AHCTF1: variants seen among roughly 807,000 people sequenced by gnomAD.
AHCTF1 encodes the protein AT-hook containing transcription factor 1, also known as protein ELYS.
AHCTF1 carries 24 observed loss-of-function variants against 248.4 expected under a neutral mutation model. The observed-to-expected ratio is 0.10, with a 90% confidence interval of 0.07 to 0.14. AHCTF1 has a LOEUF of 0.14. Among genes scored for constraint, AHCTF1 ranks in the 10% least tolerant of loss-of-function variants. AHCTF1 has a pLI of 1.00. For synonymous variants in AHCTF1, 786 were observed against 929.8 expected, an observed-to-expected ratio of 0.85 and a Z score of 2.81; for missense variants, 2,206 against 2,636.2, an observed-to-expected ratio of 0.84 and a Z score of 3.57.
chr1:246,920,315 T>G (rs1666448874), intron 1 of AHCTF1, among the ~76,000 whole-genome samples: 1 of 152,034 alleles, frequency 6.6e-6, no homozygotes, highest in Non-Finnish European at 1.5e-5. Flanking sequence ...CGATTTAGCT[T>G]GATAAGAAAC....
chr1:246,923,197 C>G (rs1013687739), intron 1 of AHCTF1, among the ~76,000 whole-genome samples: 3 of 150,814 alleles, frequency 2.0e-5, no homozygotes, highest in African/African-American at 7.3e-5. Context: ...GGCAGATCAC[C>G]TGAGGTCAGG....
intron 4 of AHCTF1, among the ~76,000 whole-genome samples, chr1:246,910,311 C>G (rs1454025548): frequency 1.3e-5 from 2 of 152,198 alleles, no homozygotes; most frequent in East Asian, 3.8e-4. Context: ...CTGTCAAATG[C>G]AATTAATGTG....
At chr1:246,891,752 A>G (rs1263253736) in intron 15 of AHCTF1, 27 bp downstream of exon 15, 1 of 1,601,924 alleles carries the variant, frequency 6.2e-7, no homozygotes, top group Admixed American at 1.8e-5. Flanking sequence ...TTAATAAAAC[A>G]CTCATTTGAT....
rs764331907 is a variant in AHCTF1 at position 246,885,632 on chromosome 1, A to G, written c.2521T>C (p.Trp841Arg). 1.1e-5 allele frequency: 17 copies of G among 1,612,724 alleles called. No individual in the cohort carries two copies. The East Asian group carries it at 3.8e-4, about 36-fold the overall frequency. Residue 841 changes from tryptophan (W) to arginine (R), a missense_variant, in exon 21 of 36, where the codon TGG (tryptophan) becomes CGG (arginine). Physicochemically the swap from Trp to Arg is moderately radical, Grantham distance 101. Around this residue, in one of 6 missense-constraint regions of AHCTF1, gnomAD observed 650 missense variants for 870.8 expected, o/e 0.75. Transcript: ENST00000648844. Reference sequence around the variant, plus strand: ...GCCTGAATAATCTTTGAATGTTGCCATGACAAAGGTTTTGCAGTAGCTGGA... The same window carrying G: ...GCCTGAATAATCTTTGAATGTTGCCGTGACAAAGGTTTTGCAGTAGCTGGA... ...FHPATAKPLS[W>R]QHSKIIQAFM...
chr1:246,856,602 G>T (rs1661126330), intron 30 of AHCTF1, among the ~76,000 whole-genome samples: 1 of 152,170 alleles, frequency 6.6e-6, no homozygotes, highest in South Asian at 2.1e-4. Context: ...TCCTTCTCAT[G>T]CGACTGCTCT....
chr1:246,876,155 T>C lies in AHCTF1; in HGVS notation c.2970A>G (p.Ser990=). 6.2e-7 allele frequency: 1 copy of C among 1,602,786 alleles called. No homozygotes were observed. The highest frequency in any genetic ancestry group is 1.3e-5 in the African/African-American group (1 of 74,758). The change falls in exon 24 of 36, where the codon TCA becomes TCG. Residue 990 remains serine, a synonymous_variant. Transcript: ENST00000648844. The part of the protein sequence containing the change: ...NDRDPRLRER[S]LARNSILDQY... ...GGTCTAATATAGAATTTCGAGCCAG[T>C]GATCTCTCCCGCAAACGAGGATCAC... is the stretch of plus-strand genomic sequence containing the variant.
In AHCTF1 at chr1:246,851,153, G is replaced by A. The variant is rs55832997; in HGVS notation, c.4853C>T (p.Ala1618Val). The A allele has an allele frequency of 2.4e-5, 39 of 1,613,706 alleles. No individual in the cohort carries two copies. Among genetic ancestry groups the A allele is most frequent in the Non-Finnish European group, 3.3e-5 (39 of 1,179,834 alleles). ...FASSDVLPKAANTATEEKLVC... is the reference protein window; with the variant it reads ...FASSDVLPKAVNTATEEKLVC... ...AAGTTTTTCTTCAGTTGCTGTGTTA[G>A]CTGCTTTAGGTAACACATCAGATGA... Residue 1618 changes from alanine (A) to valine (V), a missense_variant, in exon 33 of 36, where the codon GCT becomes GTT. By Grantham distance (64) the Ala-to-Val change is moderately conservative (BLOSUM62 0). Transcript: ENST00000648844.
Position 246,850,358 on chromosome 1 carries a change from T to G in AHCTF1, c.5648A>C (p.Glu1883Ala), listed in dbSNP as rs1273346183. Residue 1883 changes from glutamate to alanine, a missense_variant, in exon 33 of 36, where the codon GAA becomes GCA. This residue lies in a region of AHCTF1 where 469 missense variants were observed against 470.0 expected (regional missense o/e 1.00). Coordinates refer to ENST00000648844, the MANE Select transcript of AHCTF1 (RefSeq NM_001323342.2). ...RRIKRSVENQ[E>A]SVEIINDLKV... is the part of the protein sequence containing the mutation. ...TAGATCATTTATAATTTCAACACTT[T>G]CCTGATTTTCTACAGATCTTTTAAT... 4 of 1,611,616 alleles carry G rather than the reference T, an allele frequency of 2.5e-6. No individual in the cohort carries two copies. The African/African-American group carries it at 5.4e-5, about 22-fold the overall frequency.
rs201706489 is a variant in AHCTF1, at chr1:246,915,516, CTCTT to C, written c.375+622_375+625del. On this transcript the variant is annotated intron_variant, in intron 3 of 35. Transcript: ENST00000648844. Reference sequence around the variant, plus strand: ...TGTACTACTATTTTTCCATGCTAGTCTCTTTATCTAAAATGTCCAACTCTTTTGA... The same window carrying C: ...TGTACTACTATTTTTCCATGCTAGTCTATCTAAAATGTCCAACTCTTTTGA... 2.2e-3 allele frequency among the ~76,000 whole-genome samples: 341 copies of C among 152,232 alleles called. 6 individuals carry two copies. In the East Asian group the frequency reaches 0.052, roughly 23 times the overall value.
chr1:246,923,227 T>C (rs1666701033), intron 1 of AHCTF1, among the ~76,000 whole-genome samples: 1 of 151,000 alleles, frequency 6.6e-6, no homozygotes, highest in Admixed American at 6.6e-5. Flanking sequence ...CCAGCCTGAC[T>C]AACATGATGA....
Position 246,905,557 on chromosome 1 carries a change from G to T in AHCTF1, c.865C>A (p.Gln289Lys). The T allele has an allele frequency of 6.2e-7, 1 of 1,611,724 alleles. No homozygotes were observed. The highest frequency in any genetic ancestry group is 1.1e-5 in the South Asian group (1 of 90,978). ...GAGACCTACCTATCTTGTGTAGACT[G>T]AACAGCCCACAAGTAACAGCAATTC... ...PRNCCYLWAV[Q>K]STQDSEGDVL... Residue 289 changes from glutamine (Q) to lysine (K), a missense_variant, in exon 6 of 36, where the codon CAG becomes AAG. Gln to Lys is a moderately conservative substitution (Grantham distance 53). Around this residue, in one of 6 missense-constraint regions of AHCTF1, gnomAD observed 650 missense variants for 870.8 expected, o/e 0.75. Coordinates refer to ENST00000648844, the MANE Select transcript of AHCTF1 (RefSeq NM_001323342.2).
rs1425607764 is a variant in AHCTF1 at position 246,857,748 on chromosome 1, T to A, written c.4199A>T (p.His1400Leu). Residue 1400 changes from histidine (H) to leucine (L), a missense_variant, in exon 30 of 36, where the codon CAC becomes CTC. Physicochemically the swap from His to Leu is moderately conservative, Grantham distance 99 (BLOSUM62 -3). Coordinates refer to ENST00000648844, the MANE Select transcript of AHCTF1 (RefSeq NM_001323342.2). ...VAAEAFSELN[H>L]LSPVQGTEAS... ...TTCAGTTCCTTGAACCGGGCTTAAG[T>A]GATTCAATTCTGAAAATGCCTCTGC... is the stretch of plus-strand genomic sequence containing the variant. The A allele has an allele frequency of 6.2e-7, 1 of 1,613,920 alleles. No individual in the cohort carries two copies. The highest frequency in any genetic ancestry group is 2.2e-5 in the East Asian group (1 of 44,886).
At chr1:246,882,549 T>C (rs977848657) in intron 21 of AHCTF1, among the ~76,000 whole-genome samples, 2 of 152,188 alleles carry the variant, frequency 1.3e-5, no homozygotes, top group African/African-American at 4.8e-5. Flanking sequence ...ATTCGATATA[T>C]ACTTTTGTAT....
intron 1 of AHCTF1, among the ~76,000 whole-genome samples, chr1:246,919,653 C>T (rs1287339978): frequency 6.8e-6 from 1 of 147,980 alleles, no homozygotes; most frequent in Non-Finnish European, 1.5e-5. Flanking sequence ...GTGGAGGTTG[C>T]AGTGAGCCTC....
chr1:246,897,169 C>T (rs980711935), intron 12 of AHCTF1, among the ~76,000 whole-genome samples: 3 of 151,928 alleles, frequency 2.0e-5, no homozygotes, highest in African/African-American at 7.3e-5. Context: ...AAAAATTAGC[C>T]GGGTGTGGTG....
intron 1 of AHCTF1, among the ~76,000 whole-genome samples, chr1:246,923,770 G>A (rs1416849410): frequency 6.6e-6 from 1 of 152,138 alleles, no homozygotes; most frequent in Non-Finnish European, 1.5e-5. Flanking sequence ...TAGCACACAG[G>A]AGCAGGTACA....
At chr1:246,906,309 G>T (rs1036404636) in intron 5 of AHCTF1, among the ~76,000 whole-genome samples, 2 of 152,124 alleles carry the variant, frequency 1.3e-5, no homozygotes, top group African/African-American at 4.8e-5. Flanking sequence ...GCCGGGCGTG[G>T]TAGCTCACAC....
In AHCTF1 at chr1:246,840,799, C is replaced by T. The variant is rs1430740927; in HGVS notation, c.*7G>A. On this transcript the variant is annotated 3_prime_UTR_variant, in exon 36 of 36. Coordinates refer to ENST00000648844, the MANE Select transcript of AHCTF1 (RefSeq NM_001323342.2). ...AAATAGGTGTACATTAAAATCTTCC[C>T]AAGAAATTACAGCATTTTTCTGCGT... 1.9e-6 allele frequency: 3 copies of T among 1,591,224 alleles called. No homozygotes were observed. In the Admixed American group the frequency reaches 5.4e-5, roughly 29 times the overall value.
chr1:246,867,214 G>T, intron 26 of AHCTF1, 30 bp downstream of exon 26: 1 of 1,221,998 alleles, frequency 8.2e-7, no homozygotes, highest in Non-Finnish European at 1.2e-6. Flanking sequence ...CTAACATTGT[G>T]TCTCTAAGAA....
Sources: allele counts gnomAD v4.1 joint callset (sites outside exome capture counted in the v4.1 genomes callset), GRCh38; gene constraint gnomAD v4.1.1; regional missense constraint gnomAD v4.1.1; transcripts MANE v1.5; gene names NCBI Gene and HGNC (gene_info 2026-07-23, HGNC 2026-07-21).